Variants in TMEM108 observed in about 807,000 individuals in gnomAD.
TMEM108 encodes the protein transmembrane protein 108.
Under a neutral mutation model 35.1 loss-of-function variants are expected in TMEM108, and 12 were observed. The ratio of observed to expected loss-of-function variants is 0.34; its 90% CI spans 0.22 to 0.55. The LOEUF is 0.55. Ranked by LOEUF, TMEM108 falls within the 20% of genes least tolerant of loss-of-function variation. TMEM108 has a pLI of 0.89. For synonymous variants in TMEM108, 287 were observed against 308.6 expected (o/e 0.93, Z 0.73); for missense variants, 680 against 753.3 (o/e 0.90, Z 1.14).
At chr3:133,271,414 A>C (rs1352801793) in intron 3 of TMEM108, among the ~76,000 whole-genome samples, 1 of 152,254 alleles carries the variant, frequency 6.6e-6, no homozygotes, top group African/African-American at 2.4e-5. Flanking sequence ...CAAGGTCCAC[A>C]AACTTTCCTA....
At chr3:133,338,595 A>C (rs1418609296) in intron 3 of TMEM108, among the ~76,000 whole-genome samples, 2 of 152,270 alleles carry the variant, frequency 1.3e-5, no homozygotes, top group East Asian at 3.9e-4. Context: ...TTAATGAACA[A>C]TAAGACATCA....
At chr3:133,105,398 C>T (rs1261712632) in intron 2 of TMEM108, among the ~76,000 whole-genome samples, 2 of 152,184 alleles carry the variant, frequency 1.3e-5, no homozygotes, top group African/African-American at 2.4e-5. Context: ...CCTTCTGCCT[C>T]GTCTTTTTTG....
rs776195719 is a variant in TMEM108, at chr3:133,380,566, G to C, written c.855G>C (p.Gln285His). 5 of 1,613,502 alleles carry C rather than the reference G, an allele frequency of 3.1e-6. No individual in the cohort carries two copies. In the East Asian group the frequency reaches 1.1e-4, roughly 36 times the overall value. ...AGCCAGGCCTTCGCAGAGCAGCCCAGGGGGGTGGTTCTACCTTCACCAGCC... is the reference window on the plus strand; with the variant it reads ...AGCCAGGCCTTCGCAGAGCAGCCCACGGGGGTGGTTCTACCTTCACCAGCC... ...KDKPGLRRAA[Q>H]GGGSTFTSQG... is the part of the protein sequence containing the mutation. The change falls in exon 4 of 6, where the codon CAG becomes CAC. Residue 285 changes from glutamine to histidine, a missense_variant. Transcript: ENST00000321871. The surrounding 1 kb of genome is among the most constrained non-coding windows in gnomAD (Gnocchi z 5.3).
chr3:133,271,764 C>T (rs948196559), intron 3 of TMEM108, among the ~76,000 whole-genome samples: 4 of 152,258 alleles, frequency 2.6e-5, no homozygotes, highest in African/African-American at 7.2e-5. Flanking sequence ...CCTAGAAGCA[C>T]GCTAAGCTTG....
intron 2 of TMEM108, among the ~76,000 whole-genome samples, chr3:133,152,022 C>T (rs1944809113): frequency 6.6e-6 from 1 of 152,032 alleles, no homozygotes; most frequent in African/African-American, 2.4e-5. Context: ...CGGGTGATGA[C>T]GTATTTATTT....
At chr3:133,085,684 C>T (rs1943872632) in intron 2 of TMEM108, among the ~76,000 whole-genome samples, 1 of 152,044 alleles carries the variant, frequency 6.6e-6, no homozygotes, top group East Asian at 1.9e-4. Context: ...TTCTTGTATT[C>T]AGTGATAATA....
chr3:133,073,884 A>G (rs1398246256), intron 2 of TMEM108, among the ~76,000 whole-genome samples: 1 of 151,716 alleles, frequency 6.6e-6, no homozygotes, highest in Non-Finnish European at 1.5e-5. Context: ...TGTGGTTTTG[A>G]TCTGTATTTC....
intron 3 of TMEM108, among the ~76,000 whole-genome samples, chr3:133,373,388 AGATAGAT>A (rs2072737743): frequency 2.9e-4 from 1 of 3,412 alleles, no homozygotes. Flanking sequence ...GATAGATGAT[AGATAGAT>A]AGATAGATAG....
chr3:133,216,681 C>A (rs145764285), intron 2 of TMEM108, among the ~76,000 whole-genome samples: 1 of 151,878 alleles, frequency 6.6e-6, no homozygotes, highest in African/African-American at 2.4e-5. Flanking sequence ...TAAGTGAGAT[C>A]GTATGGTAGT....
At chr3:133,109,264 T>A (rs1295030763) in intron 2 of TMEM108, among the ~76,000 whole-genome samples, 1 of 152,154 alleles carries the variant, frequency 6.6e-6, no homozygotes, top group Non-Finnish European at 1.5e-5. Flanking sequence ...TTGCAATAGA[T>A]ACTTTCGAAG....
intron 4 of TMEM108, 63 bp from the exon 5 acceptor site, chr3:133,390,117 G>T: frequency 6.3e-7 from 1 of 1,599,404 alleles, no homozygotes; most frequent in African/African-American, 1.3e-5. Context: ...TCAGTTCGGT[G>T]GTGCAACCCA....
At chr3:133,193,527 T>C (rs969836958) in intron 2 of TMEM108, among the ~76,000 whole-genome samples, 2 of 152,198 alleles carry the variant, frequency 1.3e-5, no homozygotes, top group Non-Finnish European at 2.9e-5. Flanking sequence ...TTTATGACCC[T>C]GAGTAACCTA....
intron 2 of TMEM108, among the ~76,000 whole-genome samples, chr3:133,128,079 TA>T (rs763581771): frequency 3.9e-5 from 6 of 152,198 alleles, no homozygotes; most frequent in Non-Finnish European, 8.8e-5. Flanking sequence ...GATAAAGACT[TA>T]GCCTTGCCAG....
At chr3:133,125,126 T>G (rs1166696004) in intron 2 of TMEM108, 1 of 152,210 alleles carries the variant, frequency 6.6e-6, no homozygotes, top group East Asian at 1.9e-4. Context: ...GGCAATTTAG[T>G]GGGAAGAGAT....
At chr3:133,209,762 G>A (rs1200970364) in intron 2 of TMEM108, among the ~76,000 whole-genome samples, 3 of 152,036 alleles carry the variant, frequency 2.0e-5, no homozygotes, top group African/African-American at 7.2e-5. Flanking sequence ...GCCATCTTCA[G>A]GAAAAGGAGC....
intron 3 of TMEM108, among the ~76,000 whole-genome samples, chr3:133,320,442 T>G (rs993274777): frequency 6.6e-6 from 1 of 151,168 alleles, no homozygotes; most frequent in Non-Finnish European, 1.5e-5. Context: ...ACTTCAGATC[T>G]TGAAGACAAG....
intron 3 of TMEM108, among the ~76,000 whole-genome samples, chr3:133,288,938 G>A (rs1167705370): frequency 6.6e-6 from 1 of 152,142 alleles, no homozygotes; most frequent in African/African-American, 2.4e-5. Context: ...GTTTCACCAT[G>A]TTGGCCAGGC....
intron 4 of TMEM108, chr3:133,386,579 A>C: frequency 6.8e-7 from 1 of 1,475,040 alleles, no homozygotes; most frequent in East Asian, 2.5e-5. Context: ...AGAGAGCTTA[A>C]TTCCCAACTC....
intron 2 of TMEM108, among the ~76,000 whole-genome samples, chr3:133,211,911 A>G (rs1021260461): frequency 1.3e-5 from 2 of 151,680 alleles, no homozygotes; most frequent in Non-Finnish European, 2.9e-5. Context: ...GGAACTGACA[A>G]CCTCCTTTAT....
Sources: gnomAD v4.1 joint callset for allele counts (sites outside exome capture counted in the v4.1 genomes callset) on GRCh38, gnomAD v4.1.1 for gene constraint, Gnocchi (gnomAD v3.1) non-coding constraint, MANE v1.5 for transcripts, NCBI Gene and HGNC (gene_info 2026-07-23, HGNC 2026-07-21) for gene names.